Variants in BARD1 observed in about 807,000 individuals in gnomAD.
BARD1 encodes BRCA1 associated RING domain 1.
Under a neutral mutation model 77.0 loss-of-function variants are expected in BARD1, and 73 were observed. That is an observed-to-expected ratio of 0.95 (90% CI 0.79 to 1.15). The LOEUF is 1.15. BARD1 is among the 50% of genes most tolerant of loss of function. BARD1 has a pLI of 0.00. For synonymous variants in BARD1, 384 were observed against 338.0 expected (o/e 1.14, Z -1.49); for missense variants, 993 against 938.8 (o/e 1.06, Z -0.75).
rs566714403 is a variant in BARD1, at chr2:214,747,744, A to C, written c.1678-1890T>G. Among the ~76,000 whole-genome samples the C allele has an allele frequency of 6.4e-3, 953 of 149,140 alleles. 17 individuals carry two copies. Among genetic ancestry groups the C allele is most frequent in the African/African-American group, 0.022 (908 of 40,542 alleles). ...GGGGGGAGGGATAGCATTAGGAGAT[A>C]TACCTAATGCTAAATGACGAGTTAA... On this transcript the variant is annotated intron_variant, in intron 7 of 10. Transcript: ENST00000260947.
chr2:214,732,121 G>A (rs1003835508), intron 9 of BARD1, among the ~76,000 whole-genome samples: 2 of 152,160 alleles, frequency 1.3e-5, no homozygotes, highest in African/African-American at 4.8e-5. Context: ...ATATACTACA[G>A]TGTTTTGGAA....
chr2:214,729,431 C>T (rs1271629649), intron 10 of BARD1, among the ~76,000 whole-genome samples: 1 of 152,152 alleles, frequency 6.6e-6, no homozygotes, highest in African/African-American at 2.4e-5. Flanking sequence ...ATTAGGAATG[C>T]TCCATCTGTA....
intron 3 of BARD1, among the ~76,000 whole-genome samples, chr2:214,784,963 T>C (rs1249023908): frequency 2.6e-5 from 4 of 151,532 alleles, no homozygotes; most frequent in Non-Finnish European, 4.4e-5. Flanking sequence ...CACCACGGCA[T>C]GTGTAAACCT....
At chr2:214,757,761 GGAGGAAA>G in intron 6 of BARD1, among the ~76,000 whole-genome samples, 1 of 152,092 alleles carries the variant, frequency 6.6e-6, no homozygotes, top group Non-Finnish European at 1.5e-5. Context: ...AGAACTCAGA[GGAGGAAA>G]GCAGAGAGGC....
At chr2:214,781,633 CA>C in intron 3 of BARD1, 124 bp from the exon 4 acceptor site, 1 of 740,274 alleles carries the variant, frequency 1.4e-6, no homozygotes, top group Non-Finnish European at 2.2e-6. Flanking sequence ...ACTTCTTTCT[CA>C]GCTCCTAGAG....
chr2:214,759,914 T>C (rs759567116), intron 6 of BARD1, among the ~76,000 whole-genome samples: 15 of 152,170 alleles, frequency 9.9e-5, no homozygotes, highest in Non-Finnish European at 1.6e-4. Context: ...TGCCTTGCCT[T>C]ATAAGGTTTC....
intron 1 of BARD1, among the ~76,000 whole-genome samples, chr2:214,801,646 C>T (rs1311721167): frequency 6.6e-6 from 1 of 152,170 alleles, no homozygotes; most frequent in East Asian, 1.9e-4. Context: ...CCAGCCATCA[C>T]TTCTGCAAAA....
At chr2:214,758,324 T>C (rs73084519) in intron 6 of BARD1, among the ~76,000 whole-genome samples, 1,762 of 152,320 alleles carry the variant, frequency 0.012, 43 homozygotes, top group African/African-American at 0.04. Flanking sequence ...ATCAAATGAA[T>C]ACATCAAAAG....
intron 3 of BARD1, among the ~76,000 whole-genome samples, chr2:214,790,299 C>A (rs78861528): frequency 1.3e-5 from 2 of 152,194 alleles, no homozygotes; most frequent in South Asian, 4.1e-4. Flanking sequence ...CCTAACCCCC[C>A]AGTAACTTAG....
intron 4 of BARD1, 75 bp downstream of exon 4, chr2:214,780,485 T>C (rs1439900598): frequency 7.6e-7 from 1 of 1,317,844 alleles, no homozygotes; most frequent in Non-Finnish European, 1.1e-6. Flanking sequence ...TCCTATGCCA[T>C]TTTTCAAAAA....
rs973387842 is a variant in BARD1 at position 214,728,361 on chromosome 2, T to C, written c.*315A>G. On this transcript the variant is annotated 3_prime_UTR_variant, in exon 11 of 11. Coordinates refer to ENST00000260947, the MANE Select transcript of BARD1 (RefSeq NM_000465.4). ...TATTAAAAGACTCAAACAGTAATGA[T>C]ACCACTTGTCTATTTAACCAAGATT... The C allele has an allele frequency of 2.9e-6, 1 of 339,112 alleles. No homozygotes were observed. The allele number at this position is 339,112 out of a possible 1,614,324, so 21.0% of individuals were successfully genotyped here.
At chr2:214,777,141 C>G (rs1334313102) in intron 4 of BARD1, among the ~76,000 whole-genome samples, 2 of 152,082 alleles carry the variant, frequency 1.3e-5, no homozygotes, top group Admixed American at 6.5e-5. Context: ...TTCAGGTGTA[C>G]AGAACTGTAA....
rs569748231 is a variant in BARD1 at position 214,745,472 on chromosome 2, C to T, written c.1810+250G>A. On this transcript the variant is annotated intron_variant, in intron 8 of 10. Transcript: ENST00000260947. ...ATTTATTTGTCACTAGCAAAAGTCACAAATTTGCTCTTCTGAAATACTGTC... is the reference window on the plus strand; with the variant it reads ...ATTTATTTGTCACTAGCAAAAGTCATAAATTTGCTCTTCTGAAATACTGTC... 3.3e-5 allele frequency among the ~76,000 whole-genome samples: 5 copies of T among 152,268 alleles called. No homozygotes were observed. The South Asian group carries it at 8.3e-4, about 25-fold the overall frequency.
intron 3 of BARD1, among the ~76,000 whole-genome samples, chr2:214,782,495 C>A (rs898441411): frequency 6.6e-6 from 1 of 151,282 alleles, no homozygotes; most frequent in African/African-American, 2.4e-5. Flanking sequence ...ATATAAAATA[C>A]TTTTTAAAAA....
intron 6 of BARD1, among the ~76,000 whole-genome samples, chr2:214,756,104 T>C (rs1693683009): frequency 6.6e-6 from 1 of 152,134 alleles, no homozygotes; most frequent in Non-Finnish European, 1.5e-5. Context: ...CGCCCAAATC[T>C]CATGTCAAAT....
chr2:214,793,652 G>C (rs561211632), intron 2 of BARD1, among the ~76,000 whole-genome samples: 1 of 152,204 alleles, frequency 6.6e-6, no homozygotes, highest in South Asian at 2.1e-4. Flanking sequence ...AGTTATTTAA[G>C]TTACTTGTCC....
At position 214,730,967 on chromosome 2, in the gene BARD1, T is replaced by G. The variant is rs114762984; in HGVS notation, c.1904-459A>C. On this transcript the variant is annotated intron_variant, in intron 9 of 10. Transcript: ENST00000260947. Reference sequence around the variant, plus strand: ...AATCGTCTGTTAAACTGTAAGTGATTTGACATGAAGGAATGTGCTTTAGTC... The same window carrying G: ...AATCGTCTGTTAAACTGTAAGTGATGTGACATGAAGGAATGTGCTTTAGTC... 3.3e-5 allele frequency: 15 copies of G among 453,840 alleles called. No individual in the cohort carries two copies. The East Asian group carries it at 9.1e-4, about 27-fold the overall frequency. 28.1% of individuals were successfully genotyped at this position (453,840 alleles called of 1,614,324 possible).
At chr2:214,757,899 A>C (rs1346553525) in intron 6 of BARD1, among the ~76,000 whole-genome samples, 1 of 151,998 alleles carries the variant, frequency 6.6e-6, no homozygotes, top group African/African-American at 2.4e-5. Context: ...GAAGGACTTT[A>C]AGTGAGATAG....
intron 7 of BARD1, among the ~76,000 whole-genome samples, chr2:214,746,137 A>G (rs1302612633): frequency 6.6e-6 from 1 of 152,192 alleles, no homozygotes; most frequent in Non-Finnish European, 1.5e-5. Flanking sequence ...TTCAGTCACC[A>G]GTAAGTCTTT....
Sources: allele counts gnomAD v4.1 joint callset (sites outside exome capture counted in the v4.1 genomes callset), GRCh38; gene constraint gnomAD v4.1.1; transcripts MANE v1.5; gene names NCBI Gene and HGNC (gene_info 2026-07-23, HGNC 2026-07-21).